Variants in SORCS2 observed in about 807,000 individuals in gnomAD.
The protein encoded by SORCS2 is sortilin related VPS10 domain containing receptor 2, also known as VPS10 domain-containing receptor SorCS2.
In SORCS2, 100 loss-of-function variants were observed where a neutral mutation model predicts 141.6. The ratio of observed to expected loss-of-function variants is 0.71; its 90% CI spans 0.60 to 0.83. The LOEUF (loss-of-function observed/expected upper bound fraction) is 0.83, where lower values mean the gene tolerates loss of function less well. Among genes scored for constraint, SORCS2 ranks in the 40% least tolerant of loss-of-function variants. The probability of loss-of-function intolerance (pLI) is 0.00; values close to 1 mark genes in which losing one functional copy is unlikely to be tolerated. For missense variants in SORCS2, 1,646 were observed against 1,560.2 expected, an observed-to-expected ratio of 1.05 and a Z score of -0.93; for synonymous variants, 789 against 676.9, an observed-to-expected ratio of 1.17 and a Z score of -2.57.
At chr4:7,701,270 G>C (rs796938189) in intron 12 of SORCS2, among the ~76,000 whole-genome samples, 2 of 151,622 alleles carry the variant, frequency 1.3e-5, no homozygotes, top group African/African-American at 4.8e-5. Context: ...GAAGAAGAGG[G>C]AGGGAGGGAG....
At position 7,396,568 on chromosome 4, in the gene SORCS2, C is replaced by T. The variant is rs147270771; in HGVS notation, c.548+213C>T. Among the ~76,000 whole-genome samples the T allele has an allele frequency of 2.9e-3, 447 of 152,340 alleles. 2 individuals are homozygous for T. Among genetic ancestry groups the T allele is most frequent in the African/African-American group, 0.01 (424 of 41,576 alleles). ...GGTATAAACTGCACTGCAGAATAGACAACTGTTCAGAAAGCGTCTTGGCTT... is the reference window on the plus strand; with the variant it reads ...GGTATAAACTGCACTGCAGAATAGATAACTGTTCAGAAAGCGTCTTGGCTT... On this transcript the variant is annotated intron_variant, in intron 2 of 26. Transcript: ENST00000507866.
chr4:7,388,736 A>T (rs944315461), intron 1 of SORCS2, among the ~76,000 whole-genome samples: 1 of 152,154 alleles, frequency 6.6e-6, no homozygotes, highest in African/African-American at 2.4e-5. Flanking sequence ...TGTGAACGTA[A>T]GAGTGGGCAC....
At position 7,294,092 on chromosome 4, in the gene SORCS2, G is replaced by C. The variant is rs1577363761; in HGVS notation, c.480+100966G>C. 3.3e-5 allele frequency among the ~76,000 whole-genome samples: 5 copies of C among 152,346 alleles called. 1 individual carries two copies. The highest frequency in any genetic ancestry group is 3.3e-4 in the Admixed American group (5 of 15,314). On this transcript the variant is annotated intron_variant, in intron 1 of 26. Coordinates refer to ENST00000507866, the MANE Select transcript of SORCS2 (RefSeq NM_020777.3). ...TATGACTGAAGCCAAAGTTGCCTCA[G>C]AGGCTGGGGAAGGAGTGGCTTCTGG...
chr4:7,740,212 G>T lies in SORCS2; in HGVS notation c.3428G>T (p.Gly1143Val). Residue 1143 changes from glycine (G) to valine (V), a missense_variant, in exon 27 of 27, where the codon GGC (glycine) becomes GTC (valine). Transcript: ENST00000507866. The stretch of plus-strand genomic sequence containing the variant: ...TTCTGTTTCCTAGGCAACCACTCAG[G>T]CGTGGTCCTGAGCATCAACTCCCGA... ...VQGAVQGNHS[G>V]VVLSINSREM... The T allele has an allele frequency of 2.5e-6, 4 of 1,608,664 alleles. No individual in the cohort carries two copies. The highest frequency in any genetic ancestry group is 3.4e-6 in the Non-Finnish European group (4 of 1,179,208).
rs139757394 is a variant in SORCS2, at chr4:7,697,795, T to G, written c.1668+521T>G. Reference sequence around the variant, plus strand: ...AGCAGGTTGTGGGGGTCATTGTGAGTCTGGGTTGGGGTGTCTGGGGGCTAT... The same window carrying G: ...AGCAGGTTGTGGGGGTCATTGTGAGGCTGGGTTGGGGTGTCTGGGGGCTAT... On this transcript the variant is annotated intron_variant, in intron 12 of 26. Transcript: ENST00000507866. Among the ~76,000 whole-genome samples, 256 of 149,762 alleles carry G rather than the reference T, an allele frequency of 1.7e-3. 2 individuals are homozygous for G. Among genetic ancestry groups the G allele is most frequent in the Admixed American group, 0.016 (241 of 15,072 alleles).
intron 1 of SORCS2, among the ~76,000 whole-genome samples, chr4:7,236,423 T>G: frequency 6.7e-6 from 1 of 149,386 alleles, no homozygotes; most frequent in African/African-American, 2.5e-5. Flanking sequence ...AGCAGGAGAG[T>G]GAGGGGAGTC....
At chr4:7,510,652 G>T (rs796321799) in intron 2 of SORCS2, among the ~76,000 whole-genome samples, 61 of 150,338 alleles carry the variant, frequency 4.1e-4, no homozygotes, top group Middle Eastern at 3.5e-3. Context: ...TTCTGGGTGC[G>T]GCATGTCCTG....
intron 1 of SORCS2, among the ~76,000 whole-genome samples, chr4:7,304,579 C>T (rs1717656421): frequency 6.6e-6 from 1 of 152,230 alleles, no homozygotes; most frequent in Non-Finnish European, 1.5e-5. Flanking sequence ...GTTCATGAGC[C>T]TCATCAGTGC....
At chr4:7,377,968 C>G (rs147804945) in intron 1 of SORCS2, among the ~76,000 whole-genome samples, 19 of 152,264 alleles carry the variant, frequency 1.2e-4, no homozygotes, top group African/African-American at 2.4e-4. Flanking sequence ...GAAACTTAAC[C>G]CTTCCATGAT....
At chr4:7,210,654 CTGCTAACAGCTGCCT>C in intron 1 of SORCS2, among the ~76,000 whole-genome samples, 1 of 152,344 alleles carries the variant, frequency 6.6e-6, no homozygotes, top group East Asian at 1.9e-4. Flanking sequence ...CCCAACTCTG[CTGCTAACAGCTGCCT>C]TGCCTATGTT....
chr4:7,637,507 C>T (rs929807931), intron 3 of SORCS2, among the ~76,000 whole-genome samples: 1 of 152,234 alleles, frequency 6.6e-6, no homozygotes, highest in African/African-American at 2.4e-5. Flanking sequence ...ACGTTCATGG[C>T]AGAGGCTGTG....
intron 1 of SORCS2, among the ~76,000 whole-genome samples, chr4:7,246,088 G>A (rs1376771458): frequency 6.6e-6 from 1 of 152,174 alleles, no homozygotes; most frequent in African/African-American, 2.4e-5. Context: ...CAGTTTAAGG[G>A]GGCTTCATGC....
intron 3 of SORCS2, among the ~76,000 whole-genome samples, chr4:7,606,442 G>A (rs1057039486): frequency 6.6e-6 from 1 of 152,020 alleles, no homozygotes; most frequent in Non-Finnish European, 1.5e-5. Context: ...TTCTCGTTCC[G>A]ACTCCTTGTC....
chr4:7,651,237 G>C (rs1028703148), intron 4 of SORCS2, among the ~76,000 whole-genome samples: 3 of 152,146 alleles, frequency 2.0e-5, no homozygotes, highest in Non-Finnish European at 4.4e-5. Flanking sequence ...GATAGGCTGC[G>C]TGTCAGACAC....
At chr4:7,577,181 G>A (rs182434244) in intron 3 of SORCS2, among the ~76,000 whole-genome samples, 6 of 152,288 alleles carry the variant, frequency 3.9e-5, no homozygotes, top group Non-Finnish European at 8.8e-5. Context: ...GGAGTGTGAG[G>A]TTTGTCCAGA....
chr4:7,219,886 G>A (rs1728599301), intron 1 of SORCS2, among the ~76,000 whole-genome samples: 1 of 152,240 alleles, frequency 6.6e-6, no homozygotes, highest in South Asian at 2.1e-4. Flanking sequence ...CGCACTGTGA[G>A]AGCCTCACAC....
At chr4:7,485,146 T>A (rs1730897195) in intron 2 of SORCS2, among the ~76,000 whole-genome samples, 1 of 152,066 alleles carries the variant, frequency 6.6e-6, no homozygotes, top group Non-Finnish European at 1.5e-5. Context: ...ACACTCCCAC[T>A]TTCGTTTGCT....
intron 1 of SORCS2, among the ~76,000 whole-genome samples, chr4:7,202,215 A>G: frequency 6.6e-6 from 1 of 152,218 alleles, no homozygotes; most frequent in Non-Finnish European, 1.5e-5. Context: ...TGAGGGCAAC[A>G]GCAACGTCTT....
intron 1 of SORCS2, among the ~76,000 whole-genome samples, chr4:7,332,383 G>C (rs563315335): frequency 1.3e-5 from 2 of 152,336 alleles, no homozygotes; most frequent in South Asian, 4.1e-4. Context: ...TGCAGACAGT[G>C]GGTGTTCTCC....
Sources: allele counts gnomAD v4.1 joint callset (sites outside exome capture counted in the v4.1 genomes callset), GRCh38; gene constraint gnomAD v4.1.1; transcripts MANE v1.5; gene names NCBI Gene and HGNC (gene_info 2026-07-23, HGNC 2026-07-21).